The following HDAC2 variants were observed in gnomAD, a reference collection of about 807,000 sequenced individuals.
The protein encoded by HDAC2 is YY1-associated factor 1.
In HDAC2, 5 loss-of-function variants were observed where a neutral mutation model predicts 68.5. The ratio of observed to expected loss-of-function variants is 0.07; its 90% confidence interval spans 0.04 to 0.15. HDAC2 has a LOEUF of 0.15. Ranked by LOEUF, HDAC2 falls within the 10% of genes least tolerant of loss-of-function variation. The probability of loss-of-function intolerance (pLI) is 1.00; values close to 1 mark genes in which losing one functional copy is unlikely to be tolerated. For missense variants in HDAC2, 291 were observed against 600.8 expected (o/e 0.48, Z 5.39); for synonymous variants, 182 against 191.3 (o/e 0.95, Z 0.40).
At position 113,949,216 on chromosome 6, in the gene HDAC2, T is replaced by G. The variant is rs368224312; in HGVS notation, c.684A>C (p.Pro228=). 2.5e-6 allele frequency: 4 copies of G among 1,608,572 alleles called. No homozygotes were observed. In the African/African-American group the frequency reaches 5.3e-5, roughly 22 times the overall value. Residue 228 remains proline (P), a synonymous_variant, in exon 7 of 14, where the codon CCA becomes CCC. Coordinates refer to ENST00000519065, the MANE Select transcript of HDAC2 (RefSeq NM_001527.4). ...GKGKYYAVNF[P]MRDGIDDESY... is the part of the protein sequence containing the mutation. The stretch of plus-strand genomic sequence containing the variant: ...ACTCATCATCTATACCATCTCTCAT[T>G]GGAAAATTGACAGCATAGTATTTGC...
Position 113,935,652 on chromosome 6 carries a change from C to T in HDAC2, c.*5406G>A, listed in dbSNP as rs552095720. 4 of 152,198 alleles carry T rather than the reference C, an allele frequency of 2.6e-5. No homozygotes were observed. Among genetic ancestry groups the T allele is most frequent in the Non-Finnish European group, 5.9e-5 (4 of 68,028 alleles). 9.4% of individuals were successfully genotyped at this position (152,198 alleles called of 1,614,324 possible). A position where few individuals can be genotyped will look rare whatever the true frequency, so the allele number is the denominator to read the frequency against. On this transcript the variant is annotated 3_prime_UTR_variant, in exon 14 of 14. Coordinates refer to ENST00000519065, the MANE Select transcript of HDAC2 (RefSeq NM_001527.4). ...GTCTGGCCAAAAAAAATCTCCTATT[C>T]AGAATCCTGCTACTCATTTTACCTT...
At chr6:113,951,877 GAAT>G (rs1415583061) in intron 6 of HDAC2, among the ~76,000 whole-genome samples, 2 of 152,140 alleles carry the variant, frequency 1.3e-5, no homozygotes, top group African/African-American at 2.4e-5. Context: ...TAAGAATTTT[GAAT>G]AATAACTGAG....
At chr6:113,958,871 G>A (rs1776615823) in intron 2 of HDAC2, 105 bp from the exon 3 acceptor site, 1 of 742,236 alleles carries the variant, frequency 1.3e-6, no homozygotes, top group Admixed American at 2.4e-5. Context: ...AAAGAACCAA[G>A]TCTACCAGAA....
At chr6:113,944,987 A>C (rs1467376909) in intron 10 of HDAC2, among the ~76,000 whole-genome samples, 1 of 152,150 alleles carries the variant, frequency 6.6e-6, no homozygotes, top group Non-Finnish European at 1.5e-5. Flanking sequence ...AAAATAACTT[A>C]TAGTGCACCT....
chr6:113,956,246 C>T (rs910106722), intron 4 of HDAC2, 95 bp from the exon 5 acceptor site: 1 of 1,005,866 alleles, frequency 9.9e-7, no homozygotes, highest in African/African-American at 1.6e-5. Flanking sequence ...CATGCATAAG[C>T]AAGAGCTTAA....
chr6:113,970,574 C>A, intron 1 of HDAC2: 1 of 1,257,518 alleles, frequency 8.0e-7, no homozygotes. Flanking sequence ...GGCGCCGTCC[C>A]CAGCGGCGGC....
In HDAC2 at chr6:113,935,423, C is replaced by T. The variant is rs1775981326; in HGVS notation, c.*5635G>A. The T allele has an allele frequency of 6.6e-6, 1 of 152,140 alleles. No homozygotes were observed. Among genetic ancestry groups the T allele is most frequent in the African/African-American group, 2.4e-5 (1 of 41,402 alleles). The allele number at this position is 152,140 out of a possible 1,614,324, so 9.4% of individuals were successfully genotyped here. A position where few individuals can be genotyped will look rare whatever the true frequency, so the allele number is the denominator to read the frequency against. On this transcript the variant is annotated 3_prime_UTR_variant, in exon 14 of 14. Coordinates refer to ENST00000519065, the MANE Select transcript of HDAC2 (RefSeq NM_001527.4). ...TCCTTTAAAAGTTTTACCTGTACATCATCCTAGTAAGTATATGGCAAGGGC... is the reference window on the plus strand; with the variant it reads ...TCCTTTAAAAGTTTTACCTGTACATTATCCTAGTAAGTATATGGCAAGGGC...
At position 113,935,918 on chromosome 6, in the gene HDAC2, T is replaced by C. The variant is rs1775989633; in HGVS notation, c.*5140A>G. ...CAATGCCCCTGAATATTAACTTCAC[T>C]ATAACTATAATTCCTAGAAATAAAT... On this transcript the variant is annotated 3_prime_UTR_variant, in exon 14 of 14. Transcript: ENST00000519065. The C allele has an allele frequency of 6.6e-6, 1 of 151,874 alleles. No homozygotes were observed. The highest frequency in any genetic ancestry group is 2.4e-5 in the African/African-American group (1 of 41,168). The allele number at this position is 151,874 out of a possible 1,614,324, so 9.4% of individuals were successfully genotyped here. A position where few individuals can be genotyped will look rare whatever the true frequency, so the allele number is the denominator to read the frequency against.
In HDAC2 at chr6:113,940,427, A is replaced by C. The variant is rs1013783098; in HGVS notation, c.*631T>G. 1.3e-5 allele frequency: 2 copies of C among 152,214 alleles called. No homozygotes were observed. Among genetic ancestry groups the C allele is most frequent in the Non-Finnish European group, 2.9e-5 (2 of 68,020 alleles). 9.4% of individuals were successfully genotyped at this position (152,214 alleles called of 1,614,324 possible). ...TTTGAGAATCTTTGGGTCAACTCAA[A>C]GAACTCCTACATCTCAATTGCAGAG... On this transcript the variant is annotated 3_prime_UTR_variant, in exon 14 of 14. Transcript: ENST00000519065.
At chr6:113,966,986 C>T (rs1448189333) in intron 1 of HDAC2, among the ~76,000 whole-genome samples, 1 of 152,084 alleles carries the variant, frequency 6.6e-6, no homozygotes, top group Non-Finnish European at 1.5e-5. Flanking sequence ...AGATTTATAC[C>T]ACAGCTAAGA....
intron 6 of HDAC2, among the ~76,000 whole-genome samples, chr6:113,952,921 C>A (rs1776455871): frequency 6.6e-6 from 1 of 152,078 alleles, no homozygotes; most frequent in Non-Finnish European, 1.5e-5. Flanking sequence ...CTAAAAAGAC[C>A]TAGTCTATTT....
chr6:113,965,354 C>CTTTTACTT (rs1176968740), intron 1 of HDAC2, among the ~76,000 whole-genome samples: 1 of 151,130 alleles, frequency 6.6e-6, no homozygotes, highest in Non-Finnish European at 1.5e-5. Flanking sequence ...GGTCCCCTCT[C>CTTTTACTT]TTTTACTTTT....
At chr6:113,949,146 T>C (rs768086008) in intron 7 of HDAC2, 22 bp downstream of exon 7, 5 of 1,605,464 alleles carry the variant, frequency 3.1e-6, no homozygotes, top group Non-Finnish European at 4.3e-6. Flanking sequence ...TCCATTCCAA[T>C]TGTGAAAACA....
chr6:113,937,338 T>C lies in HDAC2; in HGVS notation c.*3720A>G, dbSNP rs766105404. ...ACTTCAATGTAAGAACTTCAAATAA[T>C]TGCCCATTGACAGAATGCTAGCAGC... On this transcript the variant is annotated 3_prime_UTR_variant, in exon 14 of 14. Transcript: ENST00000519065. 6.6e-6 allele frequency: 1 copy of C among 152,204 alleles called. No homozygotes were observed. The highest frequency in any genetic ancestry group is 1.5e-5 in the Non-Finnish European group (1 of 68,034). 9.4% of individuals were successfully genotyped at this position (152,204 alleles called of 1,614,324 possible). A position where few individuals can be genotyped will look rare whatever the true frequency, so the allele number is the denominator to read the frequency against.
At chr6:113,970,453 A>G (rs1200600198) in intron 1 of HDAC2, 6 of 1,049,448 alleles carry the variant, frequency 5.7e-6, no homozygotes, top group Non-Finnish European at 6.9e-6. Flanking sequence ...TCGAGGGGGT[A>G]GGAGGCCGAC....
chr6:113,952,456 C>A (rs1480140936), intron 6 of HDAC2, among the ~76,000 whole-genome samples: 4 of 152,180 alleles, frequency 2.6e-5, no homozygotes, highest in Admixed American at 1.3e-4. Context: ...TACTTTATGG[C>A]AACTCTTTAA....
chr6:113,942,664 G>A (rs1776163461), intron 12 of HDAC2, among the ~76,000 whole-genome samples: 1 of 152,084 alleles, frequency 6.6e-6, no homozygotes, highest in Admixed American at 6.6e-5. Flanking sequence ...GTCTAGTAGG[G>A]AGACAAAATC....
In HDAC2 at chr6:113,937,497, CTTGAG is replaced by C. The variant is rs1049503191; in HGVS notation, c.*3556_*3560del. ...TCATTAAATGAATTAAAGAGCTTTA[CTTGAG>C]TTAATATCTTAGTTTACCAAACCTG... On this transcript the variant is annotated 3_prime_UTR_variant, in exon 14 of 14. Transcript: ENST00000519065. 1.4e-4 allele frequency: 21 copies of C among 152,342 alleles called. 1 individual carries two copies. The highest frequency in any genetic ancestry group is 4.3e-4 in the African/African-American group (18 of 41,578). 9.4% of individuals were successfully genotyped at this position (152,342 alleles called of 1,614,324 possible).
Position 113,953,311 on chromosome 6 carries a change from T to A in HDAC2, c.605A>T (p.Tyr202Phe). 6.2e-7 allele frequency: 1 copy of A among 1,610,710 alleles called. No individual in the cohort carries two copies. The highest frequency in any genetic ancestry group is 8.5e-7 in the Non-Finnish European group (1 of 1,177,322). ...TCCTGTGCCAGGAAAGTATTCCCCA[T>A]ATTTATGGAATGATACCGTCATTAC... Reference protein sequence around the residue: ...DRVMTVSFHKYGEYFPGTGDL... With the variant: ...DRVMTVSFHKFGEYFPGTGDL... Residue 202 changes from tyrosine to phenylalanine, a missense_variant, in exon 6 of 14, where the codon TAT becomes TTT. Coordinates refer to ENST00000519065, the MANE Select transcript of HDAC2 (RefSeq NM_001527.4).
Sources: allele counts gnomAD v4.1 joint callset (sites outside exome capture counted in the v4.1 genomes callset), GRCh38; gene constraint gnomAD v4.1.1; transcripts MANE v1.5; gene names NCBI Gene and HGNC (gene_info 2026-07-23, HGNC 2026-07-21).